Variants in TMEM68 observed in about 807,000 individuals in gnomAD.
TMEM68 encodes the protein transmembrane protein 68, also known as DGAT1/2-independent enzyme synthesizing storage lipids.
In TMEM68, 25 loss-of-function variants were observed where a neutral mutation model predicts 36.9. The observed-to-expected ratio is 0.68, with a 90% CI of 0.49 to 0.95. The LOEUF (loss-of-function observed/expected upper bound fraction) is 0.95. TMEM68 is among the 40% of genes least tolerant of loss of function. The probability of loss-of-function intolerance (pLI) is 0.00; values close to 1 mark genes in which losing one functional copy is unlikely to be tolerated. For missense variants in TMEM68, 333 were observed against 392.0 expected, an observed-to-expected ratio of 0.85 and a Z score of 1.27; for synonymous variants, 131 against 124.4, an observed-to-expected ratio of 1.05 and a Z score of -0.35.
In TMEM68 at chr8:55,745,069, C is replaced by A; in HGVS notation, c.740G>T (p.Gly247Val). 6.7e-7 allele frequency: 1 copy of A among 1,493,204 alleles called. No individual in the cohort carries two copies. The highest frequency in any genetic ancestry group is 8.9e-7 in the Non-Finnish European group (1 of 1,126,468). 92.5% of individuals were successfully genotyped at this position (1,493,204 alleles called of 1,614,324 possible). ...QNIREGFRSL[G>V]GTRLFRWLYE... ...TACAAATCAGAACTTACTTGTTCCTCCAAGTGATCTAAATCCTTCTCGAAT... is the reference window on the plus strand; with the variant it reads ...TACAAATCAGAACTTACTTGTTCCTACAAGTGATCTAAATCCTTCTCGAAT... The change falls in exon 6 of 8, where the codon GGA becomes GTA. Residue 247 changes from glycine to valine, a missense_variant. Gly to Val is a moderately radical substitution (Grantham distance 109, BLOSUM62 -3). Coordinates refer to ENST00000434581, the MANE Select transcript of TMEM68 (RefSeq NM_001286657.2).
At chr8:55,762,530 T>C (rs759908900) in intron 3 of TMEM68, 105 bp downstream of exon 3, 1 of 1,558,092 alleles carries the variant, frequency 6.4e-7, no homozygotes, top group African/African-American at 1.4e-5. Flanking sequence ...ATATCACTTC[T>C]ATTATATTTT....
intron 6 of TMEM68, among the ~76,000 whole-genome samples, chr8:55,744,695 C>T (rs1188420588): frequency 1.3e-5 from 2 of 152,162 alleles, no homozygotes; most frequent in Admixed American, 6.5e-5. Context: ...AGTTCAATAT[C>T]ATATTTTCAT....
rs183631881 is a variant in TMEM68, at chr8:55,759,248, C to T, written c.326-2837G>A. 1.9e-3 allele frequency among the ~76,000 whole-genome samples: 225 copies of T among 117,154 alleles called. 1 individual carries two copies. The highest frequency in any genetic ancestry group is 6.3e-3 in the African/African-American group (207 of 32,846). 76.9% of individuals were successfully genotyped at this position (117,154 alleles called of 152,430 possible). On this transcript the variant is annotated intron_variant, in intron 3 of 7. Transcript: ENST00000434581. ...CAGCCTGGGCAAATCAGTGAAATCC[C>T]TGTCTCTACAAAAAAAAAAAAAAAA...
intron 4 of TMEM68, among the ~76,000 whole-genome samples, chr8:55,752,523 G>A (rs1810451147): frequency 6.6e-6 from 1 of 152,152 alleles, no homozygotes; most frequent in Admixed American, 6.5e-5. Flanking sequence ...GTGAGGCGGA[G>A]GTTGCAGTGA....
chr8:55,762,515 A>AG (rs1563437035), intron 3 of TMEM68, 120 bp downstream of exon 3: 1 of 1,513,506 alleles, frequency 6.6e-7, no homozygotes, highest in Admixed American at 2.1e-5. Flanking sequence ...AACAGGGAAT[A>AG]GTAAATATCA....
chr8:55,769,667 C>CT (rs1226075825), intron 1 of TMEM68, among the ~76,000 whole-genome samples: 1 of 152,024 alleles, frequency 6.6e-6, no homozygotes, highest in East Asian at 1.9e-4. Flanking sequence ...GAGTCTCACT[C>CT]TGTCACCCAG....
At chr8:55,756,565 T>C (rs1474893026) in intron 3 of TMEM68, among the ~76,000 whole-genome samples, 154 bp from the exon 4 acceptor site, 1 of 152,224 alleles carries the variant, frequency 6.6e-6, no homozygotes, top group Non-Finnish European at 1.5e-5. Context: ...TCCTCTTCTC[T>C]TTCTTTCTTG....
At chr8:55,763,071 T>C in intron 2 of TMEM68, 43 bp from the exon 3 acceptor site, 2 of 1,194,420 alleles carry the variant, frequency 1.7e-6, no homozygotes, top group Non-Finnish European at 2.3e-6. Context: ...TCCACAGCTA[T>C]AAAGTTAAAT....
intron 4 of TMEM68, among the ~76,000 whole-genome samples, chr8:55,754,731 C>T (rs1810536369): frequency 8.3e-6 from 1 of 120,414 alleles, no homozygotes; most frequent in Non-Finnish European, 1.6e-5. Flanking sequence ...ATATAAAATA[C>T]ATACTTATAT....
At chr8:55,764,608 G>A (rs1585731978) in intron 1 of TMEM68, among the ~76,000 whole-genome samples, 1 of 152,182 alleles carries the variant, frequency 6.6e-6, no homozygotes, top group African/African-American at 2.4e-5. Context: ...TAGGAGGGCA[G>A]GCACTGACTT....
At chr8:55,760,414 AAAGAAAAAGCGTGAAAAAG>A (rs1159267765) in intron 3 of TMEM68, among the ~76,000 whole-genome samples, 8 of 152,380 alleles carry the variant, frequency 5.3e-5, no homozygotes, top group African/African-American at 1.7e-4. Flanking sequence ...AATCAGGCTC[AAAGAAAAAGCGTGAAAAAG>A]AAGGAAATCT....
intron 3 of TMEM68, among the ~76,000 whole-genome samples, chr8:55,758,037 C>T (rs988766333): frequency 6.6e-6 from 1 of 152,060 alleles, no homozygotes. Context: ...CCCAAGTACC[C>T]CCATGTGGAG....
At chr8:55,759,097 A>G (rs1265072020) in intron 3 of TMEM68, among the ~76,000 whole-genome samples, 2 of 149,386 alleles carry the variant, frequency 1.3e-5, no homozygotes, top group Admixed American at 1.3e-4. Flanking sequence ...AAATTTAAAA[A>G]TGAGTCATAA....
intron 5 of TMEM68, among the ~76,000 whole-genome samples, chr8:55,748,656 G>T (rs890238019): frequency 3.3e-5 from 5 of 152,010 alleles, no homozygotes; most frequent in Non-Finnish European, 7.4e-5. Flanking sequence ...GCCCAAGCTG[G>T]AACACAATGG....
At chr8:55,751,916 C>G (rs1810435073) in intron 4 of TMEM68, among the ~76,000 whole-genome samples, 1 of 152,100 alleles carries the variant, frequency 6.6e-6, no homozygotes, top group African/African-American at 2.4e-5. Flanking sequence ...ATGTTAAAAA[C>G]TACGCAGACT....
intron 7 of TMEM68, among the ~76,000 whole-genome samples, chr8:55,740,839 A>G (rs1369188617): frequency 6.6e-6 from 1 of 152,162 alleles, no homozygotes; most frequent in Admixed American, 6.5e-5. Context: ...GATTACAGGC[A>G]TGAGTCATCA....
At position 55,753,364 on chromosome 8, in the gene TMEM68, T is replaced by C. The variant is rs544883412; in HGVS notation, c.494-2207A>G. ...AAAAAACCCCACAAAACTGTTTGCC[T>C]ATGTTACTGTAAGTAAAAAAATGAA... On this transcript the variant is annotated intron_variant, in intron 4 of 7. Transcript: ENST00000434581. Among the ~76,000 whole-genome samples, 10 of 152,270 alleles carry C rather than the reference T, an allele frequency of 6.6e-5. No homozygotes were observed. In the East Asian group the frequency reaches 1.9e-3, roughly 29 times the overall value.
chr8:55,752,996 G>A (rs1308277320), intron 4 of TMEM68, among the ~76,000 whole-genome samples: 1 of 152,014 alleles, frequency 6.6e-6, no homozygotes. Flanking sequence ...CTCACCAAGT[G>A]CTGGAATTAC....
chr8:55,759,886 C>T (rs1400154932), intron 3 of TMEM68, among the ~76,000 whole-genome samples: 5 of 152,182 alleles, frequency 3.3e-5, no homozygotes, highest in African/African-American at 9.7e-5. Flanking sequence ...CCTGTAGAAG[C>T]GAGATCAGAG....
Sources: gnomAD v4.1 joint callset for allele counts (sites outside exome capture counted in the v4.1 genomes callset) on GRCh38, gnomAD v4.1.1 for gene constraint, MANE v1.5 for transcripts, NCBI Gene and HGNC (gene_info 2026-07-23, HGNC 2026-07-21) for gene names.